The following LRRC17 variants were observed in gnomAD, a reference collection of about 807,000 sequenced individuals.
LRRC17 encodes the protein leucine rich repeat containing 17.
Under a neutral mutation model 41.5 loss-of-function variants are expected in LRRC17, and 33 were observed. The observed-to-expected ratio is 0.80, with a 90% CI of 0.60 to 1.06. LRRC17 has a LOEUF of 1.06. Among genes scored for constraint, LRRC17 ranks in the 50% least tolerant of loss-of-function variants. The pLI, the probability that LRRC17 is intolerant of heterozygous loss-of-function variation, is 0.00. For synonymous variants in LRRC17, 192 were observed against 197.0 expected, an observed-to-expected ratio of 0.97 and a Z score of 0.21; for missense variants, 491 against 519.3, an observed-to-expected ratio of 0.95 and a Z score of 0.53.
At chr7:102,928,567 G>T (rs560450459) in intron 1 of LRRC17, among the ~76,000 whole-genome samples, 6 of 152,288 alleles carry the variant, frequency 3.9e-5, no homozygotes, top group Non-Finnish European at 8.8e-5. Context: ...AGACTTTGAT[G>T]TTCACAAATT....
chr7:102,942,248 G>A, intron 3 of LRRC17: 1 of 1,518,110 alleles, frequency 6.6e-7, no homozygotes, highest in Non-Finnish European at 9.0e-7. Flanking sequence ...AAGGCAAAAT[G>A]ACCTAAAGAA....
Position 102,944,283 on chromosome 7 carries a change from C to T in LRRC17, c.1002C>T (p.Gly334=), listed in dbSNP as rs561044522. 41 of 1,613,546 alleles carry T rather than the reference C, an allele frequency of 2.5e-5. No individual in the cohort carries two copies. In the South Asian group the frequency reaches 2.7e-4, roughly 11 times the overall value. ...SNNSLQNFDY[G]VLEDLYFLKL... ...ACAGTCTGCAAAACTTTGACTATGGCGTATTAGAAGACTTGTATTTTTTGA... is the reference window on the plus strand; with the variant it reads ...ACAGTCTGCAAAACTTTGACTATGGTGTATTAGAAGACTTGTATTTTTTGA... Residue 334 remains glycine, a synonymous_variant, in exon 4 of 4, where the codon GGC becomes GGT. Coordinates refer to ENST00000339431, the MANE Select transcript of LRRC17 (RefSeq NM_001031692.3).
chr7:102,921,666 C>A (rs1237322279), intron 1 of LRRC17, among the ~76,000 whole-genome samples: 2 of 150,376 alleles, frequency 1.3e-5, no homozygotes, highest in Non-Finnish European at 1.5e-5. Context: ...GGCGACAGAG[C>A]AAGATTCCAT....
intron 1 of LRRC17, among the ~76,000 whole-genome samples, chr7:102,923,200 AC>A (rs1817425265): frequency 6.6e-6 from 1 of 152,210 alleles, no homozygotes; most frequent in African/African-American, 2.4e-5. Flanking sequence ...GTGCTATTTC[AC>A]AATGTCGTGG....
intron 1 of LRRC17, among the ~76,000 whole-genome samples, chr7:102,918,258 A>C (rs1303320412): frequency 6.6e-6 from 1 of 152,214 alleles, no homozygotes. Flanking sequence ...ATGGCAAAAA[A>C]ATCAGTATCA....
Position 102,934,505 on chromosome 7 carries a change from CA to C in LRRC17, c.599del (p.Asn200IlefsTer7), listed in dbSNP as rs759296012. On this transcript the variant is annotated frameshift_variant, in exon 2 of 4. Coordinates refer to ENST00000339431, the MANE Select transcript of LRRC17 (RefSeq NM_001031692.3). LOFTEE classifies it high-confidence loss of function. ...NYAKCESPQE[Q>X]KNKKLRQIKS... The stretch of plus-strand genomic sequence containing the variant: ...CGCCAAGTGTGAAAGTCCACAAGAA[CA>C]AAAAAATAAAAAACTGCGGCAGATA... 8 of 1,612,268 alleles carry C rather than the reference CA, an allele frequency of 5.0e-6. No individual in the cohort carries two copies. The highest frequency in any genetic ancestry group is 5.9e-6 in the Non-Finnish European group (7 of 1,179,574).
intron 1 of LRRC17, among the ~76,000 whole-genome samples, chr7:102,925,814 A>G (rs999917956): frequency 4.9e-4 from 75 of 151,674 alleles, no homozygotes; most frequent in Non-Finnish European, 2.1e-4. Flanking sequence ...GGTGGTGGGC[A>G]CCTGTAATCC....
At position 102,933,807 on chromosome 7, in the gene LRRC17, T is replaced by C. The variant is rs1819686226; in HGVS notation, c.-107T>C. 1.6e-6 allele frequency: 2 copies of C among 1,235,856 alleles called. No homozygotes were observed. The highest frequency in any genetic ancestry group is 2.2e-6 in the Non-Finnish European group (2 of 904,912). The allele number at this position is 1,235,856 out of a possible 1,614,324, so 76.6% of individuals were successfully genotyped here. A position where few individuals can be genotyped will look rare whatever the true frequency, so the allele number is the denominator to read the frequency against. On this transcript the variant is annotated 5_prime_UTR_variant, in exon 2 of 4. Coordinates refer to ENST00000339431, the MANE Select transcript of LRRC17 (RefSeq NM_001031692.3). ...CTCCACGTACCCCAGCTGGGTCTCA[T>C]TGTTCCAGAACTGCATTAGTTAAGA... is the stretch of plus-strand genomic sequence containing the variant.
chr7:102,922,771 G>A (rs1313407853), intron 1 of LRRC17, among the ~76,000 whole-genome samples: 1 of 151,892 alleles, frequency 6.6e-6, no homozygotes, highest in East Asian at 1.9e-4. Context: ...AGGAGATCGA[G>A]ACCATCCTGG....
rs957826677 is a variant in LRRC17 at position 102,943,675 on chromosome 7, T to C, written c.929-535T>C. Among the ~76,000 whole-genome samples the C allele has an allele frequency of 5.9e-5, 9 of 152,312 alleles. 1 individual carries two copies. The Middle Eastern group carries it at 0.02, about 345-fold the overall frequency. ...ACCCATTACAGGAATCTCATCCCTGTGTAGCCAAGCAGATACCACCCATTA... is the reference window on the plus strand; with the variant it reads ...ACCCATTACAGGAATCTCATCCCTGCGTAGCCAAGCAGATACCACCCATTA... On this transcript the variant is annotated intron_variant, in intron 3 of 3. Transcript: ENST00000339431.
At chr7:102,913,596 G>A (rs962589041) in intron 1 of LRRC17, among the ~76,000 whole-genome samples, 11 of 152,118 alleles carry the variant, frequency 7.2e-5, no homozygotes, top group African/African-American at 2.4e-4. Flanking sequence ...TATCTCTGGA[G>A]TACCAAAATA....
chr7:102,929,263 T>G (rs1283137621), intron 1 of LRRC17, among the ~76,000 whole-genome samples: 2 of 152,188 alleles, frequency 1.3e-5, no homozygotes, highest in African/African-American at 4.8e-5. Flanking sequence ...ATTTTCAAAG[T>G]GCTCAGTTCT....
At chr7:102,940,723 T>C (rs1346908036) in intron 3 of LRRC17, among the ~76,000 whole-genome samples, 3 of 152,206 alleles carry the variant, frequency 2.0e-5, no homozygotes, top group African/African-American at 7.2e-5. Flanking sequence ...CTCCATTTGC[T>C]AAGCAAAGCC....
At chr7:102,927,531 T>C (rs1683197894) in intron 1 of LRRC17, among the ~76,000 whole-genome samples, 1 of 152,218 alleles carries the variant, frequency 6.6e-6, no homozygotes, top group African/African-American at 2.4e-5. Context: ...AATAAAATCC[T>C]GCAGGTCAGA....
intron 3 of LRRC17, among the ~76,000 whole-genome samples, chr7:102,940,819 A>G (rs1197310347): frequency 6.6e-6 from 1 of 152,252 alleles, no homozygotes; most frequent in African/African-American, 2.4e-5. Context: ...CCAGATTTAT[A>G]ACATATATAA....
intron 1 of LRRC17, 95 bp downstream of exon 1, chr7:102,913,240 A>G (rs781556723): frequency 1.7e-5 from 28 of 1,613,766 alleles, no homozygotes; most frequent in Non-Finnish European, 2.2e-5. Context: ...GAGAGGAAGG[A>G]AAGTATTATA....
intron 1 of LRRC17, among the ~76,000 whole-genome samples, chr7:102,915,249 A>G (rs1012765913): frequency 6.6e-6 from 1 of 151,942 alleles, no homozygotes; most frequent in South Asian, 2.1e-4. Flanking sequence ...TGACAATTAA[A>G]TGAGAATACA....
intron 1 of LRRC17, among the ~76,000 whole-genome samples, chr7:102,932,743 A>G (rs1563111470): frequency 6.6e-6 from 1 of 151,938 alleles, no homozygotes; most frequent in Non-Finnish European, 1.5e-5. Context: ...CAAGTAGCTG[A>G]CACTACAGGT....
At chr7:102,939,939 G>T (rs768874626) in intron 3 of LRRC17, among the ~76,000 whole-genome samples, 1 of 151,894 alleles carries the variant, frequency 6.6e-6, no homozygotes, top group Non-Finnish European at 1.5e-5. Context: ...TTGTTGCCCA[G>T]ACTGGATTGC....
Sources: allele counts gnomAD v4.1 joint callset (sites outside exome capture counted in the v4.1 genomes callset), GRCh38; gene constraint gnomAD v4.1.1; transcripts MANE v1.5; gene names NCBI Gene and HGNC (gene_info 2026-07-23, HGNC 2026-07-21).